CACNA1C: variants seen among roughly 807,000 people sequenced by gnomAD.
CACNA1C encodes the protein voltage-dependent L-type calcium channel subunit alpha-1C.
Under a neutral mutation model 229.0 loss-of-function variants are expected in CACNA1C, and 30 were observed. The observed-to-expected ratio is 0.13, with a 90% CI of 0.10 to 0.18. CACNA1C has a LOEUF of 0.18. CACNA1C is among the 10% of genes least tolerant of loss of function. CACNA1C has a pLI of 1.00. For missense variants in CACNA1C, 1,658 were observed against 2,845.0 expected (o/e 0.58, Z 9.49); for synonymous variants, 1,114 against 1,132.5 (o/e 0.98, Z 0.33).
Position 2,488,267 on chromosome 12 carries a change from G to A in CACNA1C, c.916+2005G>A, listed in dbSNP as rs2099704763. 1.3e-5 allele frequency among the ~76,000 whole-genome samples: 2 copies of A among 152,160 alleles called. No individual in the cohort carries two copies. The highest frequency in any genetic ancestry group is 2.1e-4 in the South Asian group (1 of 4,830). ...CCTGCAAGGGCGGGTGAGGATAAGC[G>A]GCCCTGAATACTGGTTGGAAGCCCA... is the stretch of plus-strand genomic sequence containing the variant. On this transcript the variant is annotated intron_variant, in intron 6 of 46. Transcript: ENST00000399655. This position sits in a 1 kb window ranked among gnomAD's most constrained non-coding sequence, Gnocchi z 4.0.
intron 3 of CACNA1C, among the ~76,000 whole-genome samples, chr12:2,199,458 T>C (rs184442165): frequency 9.2e-5 from 14 of 152,284 alleles, no homozygotes; most frequent in African/African-American, 3.1e-4. Flanking sequence ...TTTCTTAATA[T>C]ATTCTTTTCT....
chr12:2,213,150 C>G (rs532083254), intron 3 of CACNA1C, among the ~76,000 whole-genome samples: 5 of 152,252 alleles, frequency 3.3e-5, no homozygotes, highest in African/African-American at 9.6e-5. Flanking sequence ...CAGCGCCTGC[C>G]ATTTCCCATT....
chr12:2,673,465 TAAAAA>T (rs527320564), intron 38 of CACNA1C, among the ~76,000 whole-genome samples: 3 of 100,680 alleles, frequency 3.0e-5, no homozygotes, highest in Admixed American at 1.1e-4. Context: ...AACTTCCGTC[TAAAAA>T]AAAAAAAAAA....
intron 5 of CACNA1C, among the ~76,000 whole-genome samples, chr12:2,483,036 C>T (rs565804514): frequency 1.7e-3 from 261 of 152,358 alleles, no homozygotes; most frequent in African/African-American, 6.0e-3. Context: ...TGCTCACGCA[C>T]GTGACTTGGC....
At chr12:2,549,511 G>T (rs1286720577) in intron 9 of CACNA1C, among the ~76,000 whole-genome samples, 1 of 152,228 alleles carries the variant, frequency 6.6e-6, no homozygotes, top group Non-Finnish European at 1.5e-5. Context: ...TCTTGGAGAT[G>T]GAGCCCCTTA....
intron 3 of CACNA1C, among the ~76,000 whole-genome samples, chr12:2,425,211 G>A (rs774943447): frequency 6.6e-6 from 1 of 152,224 alleles, no homozygotes; most frequent in Non-Finnish European, 1.5e-5. Flanking sequence ...TAAGGTTATT[G>A]GAAATGATAT....
chr12:2,575,354 C>T lies in CACNA1C; in HGVS notation c.1896-6236C>T, dbSNP rs901818547. On this transcript the variant is annotated intron_variant, in intron 13 of 46. Transcript: ENST00000399655. This position sits in a 1 kb window ranked among gnomAD's most constrained non-coding sequence, Gnocchi z 4.0. ...AGAATTCTGCTTGACTCCTCCTGGC[C>T]CAGCCCAGCATATACGGTTCTGCCT... Among the ~76,000 whole-genome samples the T allele has an allele frequency of 4.6e-5, 7 of 152,158 alleles. No homozygotes were observed. Among genetic ancestry groups the T allele is most frequent in the Admixed American group, 1.3e-4 (2 of 15,274 alleles).
In CACNA1C at chr12:2,690,926, G is replaced by A. The variant is rs1410901055; in HGVS notation, c.6144G>A (p.Gln2048=). ...TCTTGATTTCAGAAGGACTGGGGCAGTTTGCTCAAGATCCCAAGTTCATCG... is the reference window on the plus strand; with the variant it reads ...TCTTGATTTCAGAAGGACTGGGGCAATTTGCTCAAGATCCCAAGTTCATCG... ...EAVLISEGLG[Q]FAQDPKFIEV... is the part of the protein sequence containing the mutation. Residue 2048 remains glutamine, a synonymous_variant, in exon 47 of 47, where the codon CAG becomes CAA. Coordinates refer to ENST00000399655, the MANE Select transcript of CACNA1C (RefSeq NM_000719.7). The A allele has an allele frequency of 6.3e-7, 1 of 1,588,618 alleles. No individual in the cohort carries two copies. The highest frequency in any genetic ancestry group is 1.1e-5 in the South Asian group (1 of 87,388).
At chr12:2,051,273 CCTGGAGTGT>C (rs1187169019), upstream of CACNA1C, among the ~76,000 whole-genome samples, 1 of 152,126 alleles carries the variant, frequency 6.6e-6, no homozygotes. Context: ...AGGGGTCATT[CCTGGAGTGT>C]CTGGGGCCCA....
chr12:2,307,355 A>T (rs2095119613), intron 3 of CACNA1C, among the ~76,000 whole-genome samples: 2 of 152,178 alleles, frequency 1.3e-5, no homozygotes, highest in South Asian at 2.1e-4. Context: ...AACCTCCTTT[A>T]TTTAACAGTT....
chr12:2,340,398 G>A (rs2096828224), intron 3 of CACNA1C, among the ~76,000 whole-genome samples: 1 of 152,218 alleles, frequency 6.6e-6, no homozygotes, highest in Non-Finnish European at 1.5e-5. Flanking sequence ...AACAGGCTGA[G>A]CATTATCTTT....
chr12:2,105,637 G>A (rs1350324582), intron 1 of CACNA1C, among the ~76,000 whole-genome samples: 1 of 110,026 alleles, frequency 9.1e-6, no homozygotes, highest in African/African-American at 3.3e-5. Context: ...TGCCCACCCC[G>A]GGGAGGGTTT....
At chr12:2,263,500 G>A (rs775007738) in intron 3 of CACNA1C, among the ~76,000 whole-genome samples, 5 of 152,016 alleles carry the variant, frequency 3.3e-5, no homozygotes, top group African/African-American at 7.3e-5. Flanking sequence ...TGACTGATCT[G>A]TTTTGAAAGA....
chr12:2,198,312 C>T (rs748770283), intron 3 of CACNA1C, among the ~76,000 whole-genome samples: 3 of 152,190 alleles, frequency 2.0e-5, no homozygotes, highest in Non-Finnish European at 1.5e-5. Context: ...TCTGCCTCCC[C>T]CCGGAGAGGC....
chr12:2,667,285 C>CCGTGGCCACTCTGT (rs1569148808), intron 37 of CACNA1C, among the ~76,000 whole-genome samples: 77 of 127,478 alleles, frequency 6.0e-4, no homozygotes, highest in African/African-American at 2.3e-3. Flanking sequence ...GGCCACTCCA[C>CCGTGGCCACTCTGT]GCTCCTTTTC....
At position 2,695,270 on chromosome 12, in the gene CACNA1C, T is replaced by C. The variant is rs1265592649; in HGVS notation, c.*4071T>C. ...ATGTGTTCAGCTTACCCACCCACAG[T>C]GACCAGTGTGGTGGAGCCGCTGACA... is the stretch of plus-strand genomic sequence containing the variant. On this transcript the variant is annotated 3_prime_UTR_variant, in exon 47 of 47. Transcript: ENST00000399655. 6.6e-6 allele frequency: 1 copy of C among 152,252 alleles called. No individual in the cohort carries two copies. Among genetic ancestry groups the C allele is most frequent in the East Asian group, 1.9e-4 (1 of 5,190 alleles). 9.4% of individuals were successfully genotyped at this position (152,252 alleles called of 1,614,324 possible).
At chr12:2,448,045 A>G (rs1236517012) in intron 3 of CACNA1C, among the ~76,000 whole-genome samples, 3 of 152,254 alleles carry the variant, frequency 2.0e-5, no homozygotes, top group Non-Finnish European at 4.4e-5. Context: ...GGTGGGGGCC[A>G]TTAAGGCTCT....
At chr12:2,537,089 G>T (rs150753663) in intron 9 of CACNA1C, among the ~76,000 whole-genome samples, 1 of 152,174 alleles carries the variant, frequency 6.6e-6, no homozygotes, top group Non-Finnish European at 1.5e-5. Flanking sequence ...CCTGGGCAGG[G>T]TCATAAAATA....
intron 3 of CACNA1C, among the ~76,000 whole-genome samples, chr12:2,442,473 G>A (rs2099238152): frequency 6.6e-6 from 1 of 152,188 alleles, no homozygotes; most frequent in African/African-American, 2.4e-5. Context: ...GTGGTAGAAA[G>A]GAAGAAGACA....
Sources: allele counts gnomAD v4.1 joint callset (sites outside exome capture counted in the v4.1 genomes callset), GRCh38; gene constraint gnomAD v4.1.1; non-coding constraint Gnocchi (gnomAD v3.1); transcripts MANE v1.5; gene names NCBI Gene and HGNC (gene_info 2026-07-23, HGNC 2026-07-21).